NDUFB3: variants seen among roughly 807,000 people sequenced by gnomAD.
NDUFB3 encodes the protein NADH dehydrogenase [ubiquinone] 1 beta subcomplex subunit 3.
A neutral mutation model predicts 9.0 loss-of-function variants in NDUFB3; 7 were observed. That is an observed-to-expected ratio of 0.78 (90% CI 0.44 to 1.46). The LOEUF is 1.46. Ranked by LOEUF, NDUFB3 falls within the 40% of genes most tolerant of loss-of-function variation. The pLI, the probability that NDUFB3 is intolerant of heterozygous loss-of-function variation, is 0.01. For missense variants in NDUFB3, 93 were observed against 115.4 expected (o/e 0.81, Z 0.89); for synonymous variants, 29 against 38.5 (o/e 0.75, Z 0.91).
intron 1 of NDUFB3, among the ~76,000 whole-genome samples, chr2:201,072,818 C>T (rs2047101048): frequency 6.6e-6 from 1 of 152,080 alleles, no homozygotes. Flanking sequence ...AGCAGACACT[C>T]CTGTATCCAC....
chr2:201,078,321 A>T (rs1471661411), intron 1 of NDUFB3, among the ~76,000 whole-genome samples: 2 of 152,050 alleles, frequency 1.3e-5, no homozygotes, highest in African/African-American at 2.4e-5. Flanking sequence ...GAAGAAGAAG[A>T]AGTTAGGAGC....
At chr2:201,084,852 A>G (rs189529289) in intron 2 of NDUFB3, among the ~76,000 whole-genome samples, 65 of 152,208 alleles carry the variant, frequency 4.3e-4, no homozygotes, top group East Asian at 1.5e-3. Context: ...CAGGGTATCA[A>G]TCTTCCAAAA....
At chr2:201,072,622 A>G (rs1034406149) in intron 1 of NDUFB3, among the ~76,000 whole-genome samples, 1 of 151,932 alleles carries the variant, frequency 6.6e-6, no homozygotes, top group Non-Finnish European at 1.5e-5. Flanking sequence ...TTTTGGTTGC[A>G]TGTTTTTTCT....
chr2:201,084,987 A>G (rs2047273659), intron 2 of NDUFB3, among the ~76,000 whole-genome samples: 1 of 152,208 alleles, frequency 6.6e-6, no homozygotes, highest in Non-Finnish European at 1.5e-5. Flanking sequence ...TCTTTATGAT[A>G]TTATAAAGTA....
intron 1 of NDUFB3, 71 bp from the exon 2 acceptor site, chr2:201,078,810 A>G (rs537946121): frequency 7.0e-7 from 1 of 1,418,670 alleles, no homozygotes; most frequent in Non-Finnish European, 9.6e-7. Context: ...CTTAAAACAT[A>G]AACAATAAAT....
At chr2:201,084,244 C>T (rs1416009133) in intron 2 of NDUFB3, among the ~76,000 whole-genome samples, 7 of 150,602 alleles carry the variant, frequency 4.6e-5, no homozygotes, top group Non-Finnish European at 1.0e-4. Flanking sequence ...TAGCCAAGAT[C>T]GTACCATCGC....
intron 2 of NDUFB3, among the ~76,000 whole-genome samples, chr2:201,080,324 A>G (rs537236585): frequency 8.5e-5 from 13 of 152,258 alleles, no homozygotes; most frequent in Admixed American, 4.6e-4. Context: ...ATTCCAGCAC[A>G]TTGGGAAGCC....
intron 1 of NDUFB3, among the ~76,000 whole-genome samples, chr2:201,077,260 A>C (rs2047173920): frequency 1.3e-5 from 2 of 152,178 alleles, no homozygotes; most frequent in South Asian, 4.1e-4. Context: ...AAATGTAAAA[A>C]AAAATAAAAG....
intron 1 of NDUFB3, among the ~76,000 whole-genome samples, chr2:201,074,687 C>T (rs1206902201): frequency 6.6e-6 from 1 of 152,064 alleles, no homozygotes; most frequent in Non-Finnish European, 1.5e-5. Context: ...AACTCCTGGC[C>T]TCAAGTGATC....
At chr2:201,079,203 G>T (rs1189660502) in intron 2 of NDUFB3, among the ~76,000 whole-genome samples, 181 bp downstream of exon 2, 4 of 152,130 alleles carry the variant, frequency 2.6e-5, no homozygotes, top group Non-Finnish European at 5.9e-5. Context: ...GGAGTGCAGT[G>T]GCGCGATCTC....
intron 1 of NDUFB3, 109 bp from the exon 2 acceptor site, chr2:201,078,772 C>CTT: frequency 8.3e-6 from 8 of 967,574 alleles, no homozygotes; most frequent in South Asian, 1.9e-5. Context: ...TTTATATTGG[C>CTT]TTTTTTTTTT....
At chr2:201,074,283 G>A (rs768406885) in intron 1 of NDUFB3, among the ~76,000 whole-genome samples, 3 of 151,694 alleles carry the variant, frequency 2.0e-5, no homozygotes, top group Non-Finnish European at 4.4e-5. Flanking sequence ...TTCTAATAAC[G>A]ATTTGATCAT....
chr2:201,085,419 CGTT>C lies in NDUFB3; in HGVS notation c.141-37_141-35del, dbSNP rs576271230. The C allele has an allele frequency of 6.3e-4, 954 of 1,508,126 alleles. 11 individuals are homozygous for C. The South Asian group carries it at 0.011, about 18-fold the overall frequency. The allele number at this position is 1,508,126 out of a possible 1,614,324, so 93.4% of individuals were successfully genotyped here. Reference sequence around the variant, plus strand: ...AATGTCTTCAACGTATATACACACACGTTGTGTATGATTATAATTTTTTCTTTT... The same window carrying C: ...AATGTCTTCAACGTATATACACACACGTGTATGATTATAATTTTTTCTTTT... On this transcript the variant is annotated intron_variant, in intron 2 of 2. Transcript: ENST00000237889.
chr2:201,072,872 G>T (rs899392968), intron 1 of NDUFB3, among the ~76,000 whole-genome samples: 2 of 152,142 alleles, frequency 1.3e-5, no homozygotes, highest in African/African-American at 2.4e-5. Flanking sequence ...CTTAGAACAT[G>T]CAGTCTTAAC....
At chr2:201,084,738 G>C (rs1029831035) in intron 2 of NDUFB3, among the ~76,000 whole-genome samples, 2 of 152,160 alleles carry the variant, frequency 1.3e-5, no homozygotes, top group Non-Finnish European at 2.9e-5. Flanking sequence ...ATCCCAATTA[G>C]ATTTAATTAG....
At chr2:201,077,892 A>G (rs1158291054) in intron 1 of NDUFB3, among the ~76,000 whole-genome samples, 1 of 152,238 alleles carries the variant, frequency 6.6e-6, no homozygotes, top group Non-Finnish European at 1.5e-5. Context: ...ATTTAAAAGC[A>G]TTGCATTTTA....
At chr2:201,073,574 C>G (rs113072211) in intron 1 of NDUFB3, among the ~76,000 whole-genome samples, 3,192 of 152,252 alleles carry the variant, frequency 0.021, 46 homozygotes, top group African/African-American at 0.037. Flanking sequence ...CGAGACCATT[C>G]TGACCAACAT....
intron 1 of NDUFB3, among the ~76,000 whole-genome samples, chr2:201,078,004 A>T (rs2047183168): frequency 1.3e-5 from 2 of 152,132 alleles, no homozygotes; most frequent in African/African-American, 4.8e-5. Flanking sequence ...AATATTGCTT[A>T]GAAGTTAGGA....
intron 1 of NDUFB3, among the ~76,000 whole-genome samples, chr2:201,078,031 G>A (rs1449425100): frequency 1.3e-5 from 2 of 151,262 alleles, no homozygotes; most frequent in East Asian, 2.0e-4. Context: ...GGCCGGGTGC[G>A]GTGGCTCACA....
Sources: gnomAD v4.1 joint callset for allele counts (sites outside exome capture counted in the v4.1 genomes callset) on GRCh38, gnomAD v4.1.1 for gene constraint, MANE v1.5 for transcripts, NCBI Gene and HGNC (gene_info 2026-07-23, HGNC 2026-07-21) for gene names.